Variants in LRRC37A3 observed in about 807,000 individuals in gnomAD.
The protein encoded by LRRC37A3 is leucine-rich repeat-containing protein 37A3.
A neutral mutation model predicts 106.2 loss-of-function variants in LRRC37A3; 25 were observed. The ratio of observed to expected loss-of-function variants is 0.24; its 90% CI spans 0.17 to 0.33. The LOEUF (loss-of-function observed/expected upper bound fraction) is 0.33. Among genes scored for constraint, LRRC37A3 ranks in the 10% least tolerant of loss-of-function variants. LRRC37A3 has a pLI of 1.00. For synonymous variants in LRRC37A3, 305 were observed against 635.8 expected (o/e 0.48, Z 7.83); for missense variants, 712 against 1,644.9 (o/e 0.43, Z 9.81).
chr17:64,867,027 A>G (rs1973140734), intron 10 of LRRC37A3, among the ~76,000 whole-genome samples: 1 of 151,950 alleles, frequency 6.6e-6, no homozygotes, highest in Non-Finnish European at 1.5e-5. Context: ...CTAAATGTGT[A>G]TCATTTCTGG....
At chr17:64,858,957 C>G in intron 12 of LRRC37A3, 74 bp from the exon 13 acceptor site, 2 of 1,064,036 alleles carry the variant, frequency 1.9e-6, no homozygotes, top group Non-Finnish European at 2.8e-6. Flanking sequence ...CTTACAGGTT[C>G]TTTTTTATTT....
intron 2 of LRRC37A3, among the ~76,000 whole-genome samples, chr17:64,913,702 G>T (rs1347477032): frequency 8.6e-4 from 131 of 151,460 alleles, no homozygotes; most frequent in Admixed American, 7.4e-3. Context: ...AATGATAAAG[G>T]GGTCAAATAA....
At chr17:64,916,278 G>A (rs1161751171) in intron 2 of LRRC37A3, among the ~76,000 whole-genome samples, 2 of 152,006 alleles carry the variant, frequency 1.3e-5, no homozygotes, top group African/African-American at 4.8e-5. Context: ...GGTGGCGGGT[G>A]CCTGTAGTCC....
At chr17:64,866,630 T>TTTG in intron 10 of LRRC37A3, among the ~76,000 whole-genome samples, 1 of 15,630 alleles carries the variant, frequency 6.4e-5, no homozygotes, top group East Asian at 5.5e-3. Flanking sequence ...ATATATATAT[T>TTTG]TTTTTTTTTT....
At chr17:64,899,838 C>A (rs1330789439) in intron 2 of LRRC37A3, 1 of 150,882 alleles carries the variant, frequency 6.6e-6, no homozygotes, top group Non-Finnish European at 1.5e-5. Context: ...CGGTTCTGCT[C>A]TCCAAACTTC....
chr17:64,860,667 T>G lies in LRRC37A3; in HGVS notation c.3479A>C (p.Asn1160Thr), dbSNP rs568459746. The G allele has an allele frequency of 1.2e-6, 2 of 1,614,002 alleles. No individual in the cohort carries two copies. Among genetic ancestry groups the G allele is most frequent in the African/African-American group, 2.7e-5 (2 of 75,038 alleles). The change falls in exon 12 of 15, where the codon AAC (asparagine) becomes ACC (threonine). Residue 1160 changes from asparagine to threonine, a missense_variant. Asn to Thr is a moderately conservative substitution (Grantham distance 65). Transcript: ENST00000584306. ...GAGGACTCTATTCAGTCTCTGCCGGTTTTTGCCTACAGTTTGAATCTTTGC... is the reference window on the plus strand; with the variant it reads ...GAGGACTCTATTCAGTCTCTGCCGGGTTTTGCCTACAGTTTGAATCTTTGC... ...SLAKIQTVGK[N>T]RQRLNRVLMG...
intron 2 of LRRC37A3, among the ~76,000 whole-genome samples, 182 bp downstream of exon 2, chr17:64,918,565 AAAG>A (rs1479678857): frequency 4.6e-5 from 7 of 152,264 alleles, no homozygotes; most frequent in African/African-American, 1.7e-4. Context: ...CAATTAGAAA[AAAG>A]AATAGGTGGC....
chr17:64,860,458 C>A lies in LRRC37A3; in HGVS notation c.3688G>T (p.Ala1230Ser). 1 of 1,613,740 alleles carries A rather than the reference C, an allele frequency of 6.2e-7. No individual in the cohort carries two copies. The highest frequency in any genetic ancestry group is 1.1e-5 in the South Asian group (1 of 91,060). The change falls in exon 12 of 15, where the codon GCC becomes TCC. Residue 1230 changes from alanine to serine, a missense_variant. Coordinates refer to ENST00000584306, the MANE Select transcript of LRRC37A3 (RefSeq NM_199340.5). Reference sequence around the variant, plus strand: ...GTGAACGAAGGCTTGGTGTAGACGGCGTTTCCCGCTAACTTCTCAGGCCCC... The same window carrying A: ...GTGAACGAAGGCTTGGTGTAGACGGAGTTTCCCGCTAACTTCTCAGGCCCC... ...QQGPEKLAGN[A>S]VYTKPSFTQE...
chr17:64,874,059 A>G lies in LRRC37A3; in HGVS notation c.2907-4893T>C, dbSNP rs557673042. 1.7e-3 allele frequency among the ~76,000 whole-genome samples: 262 copies of G among 152,326 alleles called. 1 individual carries two copies. Among genetic ancestry groups the G allele is most frequent in the African/African-American group, 6.0e-3 (250 of 41,566 alleles). ...CAGCAAGAGAAAAGCAACTCATCAC[A>G]TACAAGGGATCCTCAATAAGATTAA... On this transcript the variant is annotated intron_variant, in intron 8 of 14. Coordinates refer to ENST00000584306, the MANE Select transcript of LRRC37A3 (RefSeq NM_199340.5).
chr17:64,863,242 G>A, intron 10 of LRRC37A3: 2 of 571,606 alleles, frequency 3.5e-6, no homozygotes, highest in South Asian at 4.0e-5. Context: ...AAGATGGTTG[G>A]GATTAGAATT....
intron 10 of LRRC37A3, among the ~76,000 whole-genome samples, chr17:64,864,410 A>T (rs1353626812): frequency 6.6e-6 from 1 of 152,242 alleles, no homozygotes; most frequent in Non-Finnish European, 1.5e-5. Context: ...CATGACATGC[A>T]GTGCCTGATC....
At chr17:64,913,169 C>T (rs1409603018) in intron 2 of LRRC37A3, among the ~76,000 whole-genome samples, 1 of 151,580 alleles carries the variant, frequency 6.6e-6, no homozygotes, top group Non-Finnish European at 1.5e-5. Context: ...CTTGGGATTA[C>T]AGGCAGCTGC....
chr17:64,876,116 T>C (rs1224263311), intron 8 of LRRC37A3, among the ~76,000 whole-genome samples: 1 of 152,130 alleles, frequency 6.6e-6, no homozygotes, highest in South Asian at 2.1e-4. Flanking sequence ...GCAATCCTCC[T>C]TCCTTGGCCT....
chr17:64,866,770 A>G (rs2143424473), intron 10 of LRRC37A3, among the ~76,000 whole-genome samples: 1 of 139,610 alleles, frequency 7.2e-6, no homozygotes, highest in South Asian at 2.3e-4. Context: ...AGCTGGGACT[A>G]CAGGCGTGTG....
chr17:64,888,255 T>A (rs2143534310), intron 6 of LRRC37A3, among the ~76,000 whole-genome samples: 1 of 147,882 alleles, frequency 6.8e-6, no homozygotes, highest in South Asian at 2.2e-4. Flanking sequence ...TGTTACACAA[T>A]GGCCCTTTAA....
At chr17:64,915,703 A>C (rs1026384452) in intron 2 of LRRC37A3, among the ~76,000 whole-genome samples, 4 of 152,250 alleles carry the variant, frequency 2.6e-5, no homozygotes, top group African/African-American at 9.6e-5. Context: ...CACCGCTAAG[A>C]CAATGAAACA....
chr17:64,868,888 T>A (rs1973211055), intron 9 of LRRC37A3, among the ~76,000 whole-genome samples: 1 of 152,228 alleles, frequency 6.6e-6, no homozygotes, highest in South Asian at 2.1e-4. Context: ...TCTATATGGG[T>A]TCTTCAATGC....
At chr17:64,918,932 T>C (rs1974765555) in intron 1 of LRRC37A3, 62 bp from the exon 2 acceptor site, 1 of 906,802 alleles carries the variant, frequency 1.1e-6, no homozygotes, top group Non-Finnish European at 1.4e-6. Flanking sequence ...TACACCACTT[T>C]GTTGACGGCC....
intron 2 of LRRC37A3, among the ~76,000 whole-genome samples, chr17:64,903,009 C>A (rs1459718491): frequency 6.6e-6 from 1 of 151,776 alleles, no homozygotes; most frequent in African/African-American, 2.4e-5. Context: ...GTTAAGGCTA[C>A]ACTCCTATGG....
Sources: allele counts gnomAD v4.1 joint callset (sites outside exome capture counted in the v4.1 genomes callset), GRCh38; gene constraint gnomAD v4.1.1; transcripts MANE v1.5; gene names NCBI Gene and HGNC (gene_info 2026-07-23, HGNC 2026-07-21).